Variants in PPHLN1 observed in about 807,000 individuals in gnomAD.
PPHLN1 encodes periphilin 1.
A neutral mutation model predicts 51.3 loss-of-function variants in PPHLN1; 29 were observed. That is an observed-to-expected ratio of 0.57 (90% CI 0.42 to 0.77). PPHLN1 has a LOEUF of 0.77. PPHLN1 is among the 30% of genes least tolerant of loss of function. The pLI, the probability that PPHLN1 is intolerant of heterozygous loss-of-function variation, is 0.00. For missense variants in PPHLN1, 436 were observed against 438.4 expected (o/e 0.99, Z 0.05); for synonymous variants, 147 against 147.8 (o/e 0.99, Z 0.04).
intron 2 of PPHLN1, 77 bp downstream of exon 2, chr12:42,336,051 T>G: frequency 2.3e-6 from 2 of 869,124 alleles, no homozygotes; most frequent in African/African-American, 1.7e-5. Context: ...CTAGGCCTAT[T>G]AACAAAATCT....
Position 42,422,921 on chromosome 12 carries a change from C to T in PPHLN1, c.910-18394C>T, listed in dbSNP as rs77454639. ...GACTTCTTGAAAACAAGATTGATAT[C>T]TTCATTTACTAAAATTTAATAGCAC... On this transcript the variant is annotated intron_variant, in intron 9 of 9. Coordinates refer to ENST00000358314, the MANE Select transcript of PPHLN1 (RefSeq NM_201439.2). 7.1e-3 allele frequency among the ~76,000 whole-genome samples: 1,085 copies of T among 152,260 alleles called. 12 individuals are homozygous for T. The highest frequency in any genetic ancestry group is 0.025 in the African/African-American group (1,035 of 41,554).
intron 2 of PPHLN1, among the ~76,000 whole-genome samples, chr12:42,348,031 C>A (rs895371326): frequency 6.6e-6 from 1 of 152,054 alleles, no homozygotes; most frequent in African/African-American, 2.4e-5. Flanking sequence ...TCTCGAAATA[C>A]CAACTTGGTC....
intron 7 of PPHLN1, 59 bp from the exon 8 acceptor site, chr12:42,393,511 G>C: frequency 6.8e-7 from 1 of 1,460,978 alleles, no homozygotes; most frequent in East Asian, 2.4e-5. Flanking sequence ...GTACTTCTTG[G>C]TGTATTTGAA....
At chr12:42,431,960 T>G (rs1462168121) in intron 9 of PPHLN1, 1 of 1,485,984 alleles carries the variant, frequency 6.7e-7, no homozygotes, top group Non-Finnish European at 9.4e-7. Flanking sequence ...TGAGATTTGC[T>G]GGCATCAGTG....
At chr12:42,336,355 A>G (rs2070666692) in intron 2 of PPHLN1, among the ~76,000 whole-genome samples, 1 of 152,072 alleles carries the variant, frequency 6.6e-6, no homozygotes, top group Non-Finnish European at 1.5e-5. Context: ...TACAAATTGA[A>G]TATATGAAAT....
chr12:42,393,657 G>C lies in PPHLN1; in HGVS notation c.736G>C (p.Glu246Gln), dbSNP rs753464595. The C allele has an allele frequency of 6.2e-7, 1 of 1,609,312 alleles. No individual in the cohort carries two copies. Among genetic ancestry groups the C allele is most frequent in the Admixed American group, 1.7e-5 (1 of 58,640 alleles). Residue 246 changes from glutamate (E) to glutamine (Q), a missense_variant, in exon 8 of 10, where the codon GAA becomes CAA. Coordinates refer to ENST00000358314, the MANE Select transcript of PPHLN1 (RefSeq NM_201439.2). ...WAAEKLEKSD[E>Q]SNLPEISEYE... ...TGCTGAAAAGCTAGAGAAATCAGATGAAAGTAACTTGCCTGAAATTTCTGA... is the reference window on the plus strand; with the variant it reads ...TGCTGAAAAGCTAGAGAAATCAGATCAAAGTAACTTGCCTGAAATTTCTGA...
At chr12:42,327,475 A>G (rs1206319061) in intron 1 of PPHLN1, among the ~76,000 whole-genome samples, 1 of 152,180 alleles carries the variant, frequency 6.6e-6, no homozygotes, top group Non-Finnish European at 1.5e-5. Flanking sequence ...ATCTTCACAA[A>G]GGCTCTTTTC....
At chr12:42,436,783 G>A (rs955831910) in intron 9 of PPHLN1, among the ~76,000 whole-genome samples, 2 of 152,190 alleles carry the variant, frequency 1.3e-5, no homozygotes, top group Admixed American at 6.5e-5. Flanking sequence ...GAGGATTTAT[G>A]TCTTGGGCAG....
intron 9 of PPHLN1, among the ~76,000 whole-genome samples, chr12:42,421,832 G>C (rs563481360): frequency 1.3e-5 from 2 of 152,116 alleles, no homozygotes; most frequent in Non-Finnish European, 2.9e-5. Context: ...AGCCAGAGGA[G>C]CAGTATACTG....
At chr12:42,360,507 G>A (rs1039648976) in intron 4 of PPHLN1, among the ~76,000 whole-genome samples, 47 of 96,600 alleles carry the variant, frequency 4.9e-4, no homozygotes, top group Non-Finnish European at 6.5e-4. Context: ...TCTCACTCTT[G>A]TCACCCAGGC....
intron 7 of PPHLN1, among the ~76,000 whole-genome samples, chr12:42,390,702 CTTAGTG>C (rs2077612649): frequency 1.4e-5 from 2 of 143,192 alleles, no homozygotes; most frequent in Non-Finnish European, 3.0e-5. Context: ...ATCAGCTATT[CTTAGTG>C]TTAGTGTATT....
chr12:42,363,195 G>A (rs1262716237), intron 4 of PPHLN1, among the ~76,000 whole-genome samples: 3 of 152,128 alleles, frequency 2.0e-5, no homozygotes, highest in East Asian at 1.9e-4. Flanking sequence ...TGTAGGTAAG[G>A]CAAAGTCAAA....
chr12:42,442,101 C>A lies in PPHLN1; in HGVS notation c.*592C>A. On this transcript the variant is annotated 3_prime_UTR_variant, in exon 10 of 10. Transcript: ENST00000358314. ...CAATAATCCTGAAACTCCTGACTCT[C>A]TCACTGATGTATGAGTCTTAAATAA... 2.8e-6 allele frequency: 1 copy of A among 360,606 alleles called. No homozygotes were observed. The highest frequency in any genetic ancestry group is 6.4e-5 in the Admixed American group (1 of 15,560). The allele number at this position is 360,606 out of a possible 1,614,324, so 22.3% of individuals were successfully genotyped here.
chr12:42,358,427 G>A (rs1592366343), intron 4 of PPHLN1, among the ~76,000 whole-genome samples: 1 of 152,032 alleles, frequency 6.6e-6, no homozygotes, highest in East Asian at 1.9e-4. Flanking sequence ...ACAAAGTTCT[G>A]TCACCCAGGC....
At chr12:42,427,865 C>T (rs1323658245) in intron 9 of PPHLN1, among the ~76,000 whole-genome samples, 2 of 152,052 alleles carry the variant, frequency 1.3e-5, no homozygotes, top group African/African-American at 4.8e-5. Context: ...GTACATCTGA[C>T]AAAGGACTAA....
chr12:42,374,541 G>T (rs1204214744), intron 4 of PPHLN1: 2 of 212,504 alleles, frequency 9.4e-6, no homozygotes, highest in African/African-American at 2.4e-5. Context: ...CCAGGTTCAC[G>T]CTGTTCTCCT....
intron 6 of PPHLN1, among the ~76,000 whole-genome samples, chr12:42,386,198 C>G (rs1312355383): frequency 2.0e-5 from 3 of 152,230 alleles, no homozygotes; most frequent in African/African-American, 7.2e-5. Flanking sequence ...TCCCCCATAG[C>G]AGGACATTTG....
chr12:42,391,014 A>G (rs1004933504), intron 7 of PPHLN1, among the ~76,000 whole-genome samples: 1 of 152,054 alleles, frequency 6.6e-6, no homozygotes, highest in African/African-American at 2.4e-5. Context: ...TTTTAGATCC[A>G]TAGTTATTTT....
chr12:42,340,149 A>G (rs1381729457), intron 2 of PPHLN1, among the ~76,000 whole-genome samples: 1 of 151,940 alleles, frequency 6.6e-6, no homozygotes, highest in Non-Finnish European at 1.5e-5. Flanking sequence ...TCTACAAAAA[A>G]TTTTAAAAAT....
Sources: allele counts gnomAD v4.1 joint callset (sites outside exome capture counted in the v4.1 genomes callset), GRCh38; gene constraint gnomAD v4.1.1; transcripts MANE v1.5; gene names NCBI Gene and HGNC (gene_info 2026-07-23, HGNC 2026-07-21).